The following FBXO11 variants were observed in gnomAD, a reference collection of about 807,000 sequenced individuals.
FBXO11 encodes the protein F-box protein 11, also known as F-box only protein 11.
A neutral mutation model predicts 117.0 loss-of-function variants in FBXO11; 13 were observed. The observed-to-expected ratio is 0.11, with a 90% CI of 0.07 to 0.18. The LOEUF (loss-of-function observed/expected upper bound fraction) is 0.18. Among genes scored for constraint, FBXO11 ranks in the 10% least tolerant of loss-of-function variants. FBXO11 has a pLI of 1.00. For synonymous variants in FBXO11, 490 were observed against 380.5 expected (o/e 1.29, Z -3.35); for missense variants, 767 against 1,164.4 (o/e 0.66, Z 4.97).
intron 13 of FBXO11, 21 bp downstream of exon 13, chr2:47,822,197 A>G (rs970422232): frequency 2.0e-6 from 3 of 1,517,514 alleles, no homozygotes; most frequent in Non-Finnish European, 2.7e-6. Context: ...TAAGTTTTAT[A>G]GAACAAAACC....
At position 47,832,856 on chromosome 2, in the gene FBXO11, G is replaced by C; in HGVS notation, c.1066C>G (p.Gln356Glu). 1 of 1,613,978 alleles carries C rather than the reference G, an allele frequency of 6.2e-7. No homozygotes were observed. Among genetic ancestry groups the C allele is most frequent in the Non-Finnish European group, 8.5e-7 (1 of 1,179,900 alleles). The change falls in exon 9 of 23, where the codon CAA becomes GAA. Residue 356 changes from glutamine (Q) to glutamate (E), a missense_variant. Gln to Glu is a conservative substitution (Grantham distance 29). Transcript: ENST00000403359. ...IRFNPDDKSAQHHNAHHCLEI... is the reference protein window; with the variant it reads ...IRFNPDDKSAEHHNAHHCLEI... ...AAGCAGTGGTGTGCATTGTGGTGTT[G>C]TGCAGATTTGTCATCAGGGTTAAAC...
chr2:47,901,713 A>AAC (rs1175834724), intron 1 of FBXO11, among the ~76,000 whole-genome samples: 3 of 152,088 alleles, frequency 2.0e-5, no homozygotes, highest in African/African-American at 4.8e-5. Flanking sequence ...TACTGATGAG[A>AAC]ACACACAGCA....
intron 11 of FBXO11, among the ~76,000 whole-genome samples, chr2:47,831,182 C>T (rs1278683414): frequency 7.3e-5 from 11 of 151,518 alleles, no homozygotes; most frequent in Non-Finnish European, 5.9e-5. Context: ...TTTGGGAGGC[C>T]GAGGCAGGTG....
chr2:47,867,708 T>A (rs540735217), intron 1 of FBXO11, among the ~76,000 whole-genome samples: 2 of 151,322 alleles, frequency 1.3e-5, no homozygotes, highest in South Asian at 4.2e-4. Context: ...GGAATCTATA[T>A]CAAATGCCTG....
At chr2:47,820,725 G>T (rs1260938836) in intron 13 of FBXO11, among the ~76,000 whole-genome samples, 1 of 152,156 alleles carries the variant, frequency 6.6e-6, no homozygotes, top group African/African-American at 2.4e-5. Context: ...TAACCTCTTT[G>T]TGCCTCTGTA....
chr2:47,904,162 T>TA (rs1381082893), intron 1 of FBXO11, among the ~76,000 whole-genome samples: 1 of 152,214 alleles, frequency 6.6e-6, no homozygotes, highest in Non-Finnish European at 1.5e-5. Context: ...TGTATAATTT[T>TA]AAAAAACATT....
intron 1 of FBXO11, among the ~76,000 whole-genome samples, chr2:47,840,766 T>TC (rs1163057984): frequency 1.3e-5 from 2 of 150,772 alleles, no homozygotes; most frequent in Non-Finnish European, 3.0e-5. Context: ...ACATCTGCAC[T>TC]CCAGCCTGGG....
At chr2:47,823,779 GA>G (rs1488135946) in intron 11 of FBXO11, among the ~76,000 whole-genome samples, 1 of 151,438 alleles carries the variant, frequency 6.6e-6, no homozygotes, top group Non-Finnish European at 1.5e-5. Flanking sequence ...AAAAGTTTAA[GA>G]ATAAAAAGTA....
At chr2:47,881,034 C>T (rs1458293000) in intron 1 of FBXO11, among the ~76,000 whole-genome samples, 1 of 152,100 alleles carries the variant, frequency 6.6e-6, no homozygotes, top group Non-Finnish European at 1.5e-5. Context: ...GTGGGCAGAT[C>T]ACAAAGTCAG....
In FBXO11 at chr2:47,879,557, C is replaced by T. The variant is rs147898833; in HGVS notation, c.232+25932G>A. On this transcript the variant is annotated intron_variant, in intron 1 of 22. Coordinates refer to ENST00000403359, the MANE Select transcript of FBXO11 (RefSeq NM_001190274.2). ...TTATATTTAATTTTCTGTGAATTAT[C>T]GATTCATATCTTTGCTCGGTTTTTA... Among the ~76,000 whole-genome samples, 12 of 152,272 alleles carry T rather than the reference C, an allele frequency of 7.9e-5. No individual in the cohort carries two copies. In the East Asian group the frequency reaches 2.1e-3, roughly 27 times the overall value.
At position 47,807,872 on chromosome 2, in the gene FBXO11, T is replaced by C. The variant is rs1670332348; in HGVS notation, c.*246A>G. On this transcript the variant is annotated 3_prime_UTR_variant, in exon 23 of 23. Coordinates refer to ENST00000403359, the MANE Select transcript of FBXO11 (RefSeq NM_001190274.2). ...GTATCTGTACAAAATTGCAGCTTAT[T>C]TTCTTCACTTCTGTCCCTTCAAGTC... 3 of 365,154 alleles carry C rather than the reference T, an allele frequency of 8.2e-6. No individual in the cohort carries two copies. In the South Asian group the frequency reaches 1.6e-4, roughly 19 times the overall value. The allele number at this position is 365,154 out of a possible 1,614,324, so 22.6% of individuals were successfully genotyped here. A position where few individuals can be genotyped will look rare whatever the true frequency, so the allele number is the denominator to read the frequency against.
At chr2:47,839,319 C>T (rs1672840725) in intron 3 of FBXO11, 100 bp downstream of exon 3, 2 of 1,071,346 alleles carry the variant, frequency 1.9e-6, no homozygotes, top group Middle Eastern at 2.1e-4. Context: ...TTCTGAATCC[C>T]AAAGGTAATA....
intron 1 of FBXO11, among the ~76,000 whole-genome samples, chr2:47,861,487 T>TA (rs1230805120): frequency 6.6e-6 from 1 of 152,018 alleles, no homozygotes; most frequent in African/African-American, 2.4e-5. Context: ...CCCAGCTAAT[T>TA]AAAAAAATTT....
intron 1 of FBXO11, among the ~76,000 whole-genome samples, chr2:47,861,445 A>T (rs1674767998): frequency 6.6e-6 from 1 of 151,778 alleles, no homozygotes; most frequent in South Asian, 2.1e-4. Context: ...CAGCCTCCCA[A>T]GTAGCTGAGC....
chr2:47,883,445 C>T (rs192089988), intron 1 of FBXO11: 4 of 400,544 alleles, frequency 1.0e-5, no homozygotes, highest in South Asian at 1.9e-5. Flanking sequence ...ACCTCAGAGC[C>T]GCCACCAAAA....
chr2:47,875,498 CTTTTT>C (rs59848527), intron 1 of FBXO11, among the ~76,000 whole-genome samples: 3 of 145,490 alleles, frequency 2.1e-5, no homozygotes. Context: ...CTTTTTTTGT[CTTTTT>C]TTTTTTTAGC....
chr2:47,834,313 G>A (rs1052229974), intron 7 of FBXO11, among the ~76,000 whole-genome samples: 9 of 151,916 alleles, frequency 5.9e-5, no homozygotes, highest in African/African-American at 2.2e-4. Context: ...TTGTGCCACT[G>A]CACTCTAGCC....
intron 1 of FBXO11, among the ~76,000 whole-genome samples, chr2:47,901,906 A>G (rs1678329253): frequency 6.6e-6 from 1 of 152,150 alleles, no homozygotes; most frequent in Admixed American, 6.5e-5. Context: ...TAAATCATGG[A>G]CTATATTACC....
chr2:47,862,181 A>T (rs1406188151), intron 1 of FBXO11, among the ~76,000 whole-genome samples: 1 of 152,140 alleles, frequency 6.6e-6, no homozygotes, highest in Non-Finnish European at 1.5e-5. Flanking sequence ...TCGGCCTCCC[A>T]AAGTGCTGGG....
Sources: allele counts gnomAD v4.1 joint callset (sites outside exome capture counted in the v4.1 genomes callset), GRCh38; gene constraint gnomAD v4.1.1; transcripts MANE v1.5; gene names NCBI Gene and HGNC (gene_info 2026-07-23, HGNC 2026-07-21).